IDH3A: variants seen among roughly 807,000 people sequenced by gnomAD.
The protein encoded by IDH3A is isocitrate dehydrogenase (NAD(+)) 3 catalytic subunit alpha, also known as isocitrate dehydrogenase [NAD] subunit alpha, mitochondrial.
In IDH3A, 23 loss-of-function variants were observed where a neutral mutation model predicts 43.3. The observed-to-expected ratio is 0.53, with a 90% CI of 0.38 to 0.75. The LOEUF (loss-of-function observed/expected upper bound fraction) is 0.75, where lower values mean the gene tolerates loss of function less well. Ranked by LOEUF, IDH3A falls within the 30% of genes least tolerant of loss-of-function variation. IDH3A has a pLI of 0.00. For synonymous variants in IDH3A, 154 were observed against 163.5 expected (o/e 0.94, Z 0.44); for missense variants, 329 against 474.4 (o/e 0.69, Z 2.85).
chr15:78,160,047 C>CT, intron 3 of IDH3A, 45 bp from the exon 4 acceptor site: 3 of 1,200,854 alleles, frequency 2.5e-6, no homozygotes, highest in Middle Eastern at 3.8e-4. Flanking sequence ...TGCCAGTTTC[C>CT]TTTAAGTCTC....
At position 78,161,911 on chromosome 15, in the gene IDH3A, C is replaced by T. The variant is rs1049977233; in HGVS notation, c.477+143C>T. 6 of 761,894 alleles carry T rather than the reference C, an allele frequency of 7.9e-6. No individual in the cohort carries two copies. Among genetic ancestry groups the T allele is most frequent in the Non-Finnish European group, 1.3e-5 (6 of 460,254 alleles). The allele number at this position is 761,894 out of a possible 1,614,324, so 47.2% of individuals were successfully genotyped here. A position where few individuals can be genotyped will look rare whatever the true frequency, so the allele number is the denominator to read the frequency against. On this transcript the variant is annotated intron_variant, in intron 5 of 10. Transcript: ENST00000299518. The surrounding 1 kb of genome is among the most constrained non-coding windows in gnomAD (Gnocchi z 4.8). ...GGGTGTCTGGCTGACAGTACTCAAA[C>T]AAATGTAAGGCATGGTGGTTCGCGT...
Position 78,169,055 on chromosome 15 carries a change from G to A in IDH3A, c.*50G>A, listed in dbSNP as rs766656068. On this transcript the variant is annotated 3_prime_UTR_variant, in exon 11 of 11. Transcript: ENST00000299518. ...CAGTCACTCTAAATGGACACCACAT[G>A]AACCTCTGTTTAGAATACCTACGTA... 17 of 1,169,940 alleles carry A rather than the reference G, an allele frequency of 1.5e-5. No homozygotes were observed. Among genetic ancestry groups the A allele is most frequent in the Non-Finnish European group, 1.9e-5 (15 of 786,770 alleles). 72.5% of individuals were successfully genotyped at this position (1,169,940 alleles called of 1,614,324 possible). A position where few individuals can be genotyped will look rare whatever the true frequency, so the allele number is the denominator to read the frequency against.
At chr15:78,162,420 G>GT in intron 6 of IDH3A, 53 bp downstream of exon 6, 1 of 1,591,398 alleles carries the variant, frequency 6.3e-7, no homozygotes, top group Non-Finnish European at 8.6e-7. Context: ...TGGGAGAGCA[G>GT]TGACAGGGCT....
chr15:78,166,042 T>A, intron 9 of IDH3A, 108 bp from the exon 10 acceptor site: 1 of 1,022,656 alleles, frequency 9.8e-7, no homozygotes, highest in East Asian at 2.4e-5. Flanking sequence ...TAGCTTTCAG[T>A]GCATATTTTG....
Position 78,157,532 on chromosome 15 carries a change from G to A in IDH3A, c.91-16G>A, listed in dbSNP as rs2141944585. 7 of 1,564,450 alleles carry A rather than the reference G, an allele frequency of 4.5e-6. No homozygotes were observed. Among genetic ancestry groups the A allele is most frequent in the South Asian group, 1.2e-5 (1 of 85,138 alleles). ...AAAAATTCTTACTGTCTTCTTTGAT[G>A]ATTTCTTATGTTCAGGTTCAGACAG... On this transcript the variant is annotated splice_polypyrimidine_tract_variant and intron_variant, in intron 2 of 10. Coordinates refer to ENST00000299518, the MANE Select transcript of IDH3A (RefSeq NM_005530.3).
chr15:78,163,206 A>G (rs777781301), intron 6 of IDH3A, among the ~76,000 whole-genome samples: 4 of 152,254 alleles, frequency 2.6e-5, no homozygotes, highest in Non-Finnish European at 4.4e-5. Flanking sequence ...AACCTTTTAA[A>G]GCAATTTTAA....
At position 78,171,689 on chromosome 15, in the gene IDH3A, T is replaced by C. The variant is rs2074824912; in HGVS notation, c.*2684T>C. The stretch of plus-strand genomic sequence containing the variant: ...CCTCCAAGACAGTGATCGCTCCTGG[T>C]ATTCATATGGCTTGTGTGTAGTCTC... On this transcript the variant is annotated 3_prime_UTR_variant, in exon 11 of 11. Transcript: ENST00000299518. 1 of 598,258 alleles carries C rather than the reference T, an allele frequency of 1.7e-6. No individual in the cohort carries two copies. Among genetic ancestry groups the C allele is most frequent in the Non-Finnish European group, 3.0e-6 (1 of 333,360 alleles). 37.1% of individuals were successfully genotyped at this position (598,258 alleles called of 1,614,324 possible).
At chr15:78,167,053 G>A (rs1313450835) in intron 10 of IDH3A, among the ~76,000 whole-genome samples, 1 of 152,160 alleles carries the variant, frequency 6.6e-6, no homozygotes, top group Admixed American at 6.5e-5. Context: ...CAAGGAGCTG[G>A]GAATCTAGTG....
At chr15:78,164,197 A>T (rs571154623) in intron 8 of IDH3A, among the ~76,000 whole-genome samples, 1 of 151,968 alleles carries the variant, frequency 6.6e-6, no homozygotes, top group South Asian at 2.1e-4. Context: ...CTGATTCCAC[A>T]TTCTCCAGAT....
chr15:78,161,503 T>C lies in IDH3A; in HGVS notation c.290-78T>C. On this transcript the variant is annotated intron_variant, in intron 4 of 10. Coordinates refer to ENST00000299518, the MANE Select transcript of IDH3A (RefSeq NM_005530.3). This position sits in a 1 kb window ranked among gnomAD's most constrained non-coding sequence, Gnocchi z 4.8. ...TAGAGGCAGAACACATTTCACAAGG[T>C]AGCCGAGGTGGGTTAGTAGGTCACA... 1 of 1,115,866 alleles carries C rather than the reference T, an allele frequency of 9.0e-7. No homozygotes were observed. The highest frequency in any genetic ancestry group is 1.3e-6 in the Non-Finnish European group (1 of 760,096). 69.1% of individuals were successfully genotyped at this position (1,115,866 alleles called of 1,614,324 possible). A position where few individuals can be genotyped will look rare whatever the true frequency, so the allele number is the denominator to read the frequency against.
In IDH3A at chr15:78,169,145, T is replaced by C; in HGVS notation, c.*140T>C. ...TAGATCTGGCCTTTTCTTAACAAAA[T>C]CTGTGCAAAAGATGCAGGTGGATGT... On this transcript the variant is annotated 3_prime_UTR_variant, in exon 11 of 11. Coordinates refer to ENST00000299518, the MANE Select transcript of IDH3A (RefSeq NM_005530.3). 2.0e-6 allele frequency: 1 copy of C among 508,430 alleles called. No homozygotes were observed. The highest frequency in any genetic ancestry group is 3.5e-6 in the Non-Finnish European group (1 of 289,766). 31.5% of individuals were successfully genotyped at this position (508,430 alleles called of 1,614,324 possible).
rs2141298130 is a variant in IDH3A, at chr15:78,162,253, A to G, written c.497A>G (p.Gln166Arg). The change falls in exon 6 of 11, where the codon CAG becomes CGG. Residue 166 changes from glutamine to arginine, a missense_variant. Physicochemically the swap from Gln to Arg is conservative, Grantham distance 43. Coordinates refer to ENST00000299518, the MANE Select transcript of IDH3A (RefSeq NM_005530.3). ...IEHVIVDGVV[Q>R]SIKLITEGAS... ...TTGCAGATTGTTGATGGAGTCGTGCAGAGTATCAAGCTCATCACCGAGGGG... is the reference window on the plus strand; with the variant it reads ...TTGCAGATTGTTGATGGAGTCGTGCGGAGTATCAAGCTCATCACCGAGGGG... 1 of 1,614,186 alleles carries G rather than the reference A, an allele frequency of 6.2e-7. No homozygotes were observed. The highest frequency in any genetic ancestry group is 8.5e-7 in the Non-Finnish European group (1 of 1,180,034).
At chr15:78,157,440 A>C (rs2074633077) in intron 2 of IDH3A, 108 bp from the exon 3 acceptor site, 2 of 780,910 alleles carry the variant, frequency 2.6e-6, no homozygotes, top group South Asian at 1.9e-5. Flanking sequence ...CAGCATTTGA[A>C]TCTTCCTGAG....
At chr15:78,163,891 G>T in intron 8 of IDH3A, 111 bp downstream of exon 8, 1 of 717,530 alleles carries the variant, frequency 1.4e-6, no homozygotes, top group Non-Finnish European at 2.5e-6. Context: ...AGTATTTGTT[G>T]TAACATATGA....
intron 5 of IDH3A, 55 bp from the exon 6 acceptor site, chr15:78,162,179 C>T: frequency 6.2e-7 from 1 of 1,605,588 alleles, no homozygotes; most frequent in Non-Finnish European, 8.5e-7. Context: ...CCCTCTGTCT[C>T]CCACTGCGTT....
chr15:78,149,363 C>G lies in IDH3A; in HGVS notation c.-41C>G. The stretch of plus-strand genomic sequence containing the variant: ...CGAGCGTGGGGTGGGCGCTTGCGCA[C>G]TGCCGCTGCGGCTGTTGCTGCGGAG... On this transcript the variant is annotated 5_prime_UTR_variant, in exon 1 of 11. Coordinates refer to ENST00000299518, the MANE Select transcript of IDH3A (RefSeq NM_005530.3). 6.6e-7 allele frequency: 1 copy of G among 1,516,962 alleles called. No homozygotes were observed. Among genetic ancestry groups the G allele is most frequent in the Non-Finnish European group, 8.8e-7 (1 of 1,139,248 alleles). The allele number at this position is 1,516,962 out of a possible 1,614,324, so 94.0% of individuals were successfully genotyped here. A position where few individuals can be genotyped will look rare whatever the true frequency, so the allele number is the denominator to read the frequency against.
chr15:78,153,543 A>C (rs1247015396), intron 1 of IDH3A, among the ~76,000 whole-genome samples: 1 of 152,210 alleles, frequency 6.6e-6, no homozygotes, highest in East Asian at 1.9e-4. Context: ...TTTTCAATGC[A>C]GAGTCATGAC....
chr15:78,158,463 ATTTTT>A (rs67298643), intron 3 of IDH3A, among the ~76,000 whole-genome samples: 2 of 67,372 alleles, frequency 3.0e-5, no homozygotes, highest in African/African-American at 1.1e-4. Flanking sequence ...ATATATATAT[ATTTTT>A]TTTTTTTTTT....
At chr15:78,166,397 A>C in intron 10 of IDH3A, 95 bp downstream of exon 10, 42 of 1,278,900 alleles carry the variant, frequency 3.3e-5, no homozygotes, top group Non-Finnish European at 4.5e-5. Context: ...AATAGTTCTC[A>C]GGCGGGCCCA....
Sources: gnomAD v4.1 joint callset for allele counts (sites outside exome capture counted in the v4.1 genomes callset) on GRCh38, gnomAD v4.1.1 for gene constraint, Gnocchi (gnomAD v3.1) non-coding constraint, MANE v1.5 for transcripts, NCBI Gene and HGNC (gene_info 2026-07-23, HGNC 2026-07-21) for gene names.